Variants in OSBPL1A observed in about 807,000 individuals in gnomAD.
OSBPL1A encodes the protein oxysterol binding protein like 1A, also known as oxysterol-binding protein-related protein 1.
Under a neutral mutation model 137.1 loss-of-function variants are expected in OSBPL1A, and 80 were observed. That is an observed-to-expected ratio of 0.58 (90% confidence interval 0.49 to 0.70). OSBPL1A has a LOEUF of 0.70. OSBPL1A is among the 30% of genes least tolerant of loss of function. OSBPL1A has a pLI of 0.00. For missense variants in OSBPL1A, 970 were observed against 1,129.4 expected (o/e 0.86, Z 2.02); for synonymous variants, 365 against 389.7 (o/e 0.94, Z 0.75).
At chr18:24,390,656 C>T (rs1232599582) in intron 1 of OSBPL1A, among the ~76,000 whole-genome samples, 2 of 121,408 alleles carry the variant, frequency 1.6e-5, no homozygotes, top group African/African-American at 6.5e-5. Context: ...GATCGTGCTA[C>T]TCTACTTCAG....
intron 4 of OSBPL1A, chr18:24,357,147 C>T (rs1432486293): frequency 6.6e-6 from 1 of 151,970 alleles, no homozygotes; most frequent in Non-Finnish European, 1.5e-5. Flanking sequence ...GATTTATTTG[C>T]CAAAGTTAAG....
intron 17 of OSBPL1A, among the ~76,000 whole-genome samples, chr18:24,204,676 T>C (rs2087320210): frequency 6.6e-6 from 1 of 152,086 alleles, no homozygotes; most frequent in African/African-American, 2.4e-5. Flanking sequence ...GGGTATGTCC[T>C]TGTTTGCTCA....
intron 5 of OSBPL1A, among the ~76,000 whole-genome samples, chr18:24,338,809 G>A (rs781434465): frequency 6.6e-6 from 1 of 152,092 alleles, no homozygotes; most frequent in Admixed American, 6.5e-5. Flanking sequence ...CACCTCCTGG[G>A]TTCAAGCAAT....
In OSBPL1A at chr18:24,303,688, T is replaced by C. The variant is rs1264346002; in HGVS notation, c.1123A>G (p.Arg375Gly). 1.9e-6 allele frequency: 3 copies of C among 1,613,596 alleles called. No individual in the cohort carries two copies. Among genetic ancestry groups the C allele is most frequent in the Non-Finnish European group, 1.7e-6 (2 of 1,179,722 alleles). ...ATTTTGAGAAAGTTGGAAATTTCCC[T>C]ATCTAGTCGCTGTTGGCATGACTGT... ...KAQSCQQRLD[R>G]EISNFLKMIK... Residue 375 changes from arginine to glycine, a missense_variant, in exon 14 of 28, where the codon AGG (arginine) becomes GGG (glycine). Physicochemically the swap from Arg to Gly is moderately radical, Grantham distance 125 (BLOSUM62 -2). Transcript: ENST00000319481.
At chr18:24,357,511 G>A (rs971994033) in intron 4 of OSBPL1A, 2 of 152,124 alleles carry the variant, frequency 1.3e-5, no homozygotes, top group African/African-American at 2.4e-5. Flanking sequence ...GCAAAATATG[G>A]GGGAGGCATG....
chr18:24,275,728 C>T (rs954374173), intron 15 of OSBPL1A, among the ~76,000 whole-genome samples: 4 of 143,044 alleles, frequency 2.8e-5, no homozygotes, highest in Non-Finnish European at 6.1e-5. Flanking sequence ...GTCCCACTCT[C>T]TTTTTTTTTT....
chr18:24,368,541 C>T lies in OSBPL1A; in HGVS notation c.122-169G>A, dbSNP rs75147007. ...GTGTAATGGGTGTAAAGGACGAGAA[C>T]TCACAAGGTGCAGATCTGGTGCCAC... On this transcript the variant is annotated intron_variant, in intron 2 of 27. Coordinates refer to ENST00000319481, the MANE Select transcript of OSBPL1A (RefSeq NM_080597.4). 663 of 574,404 alleles carry T rather than the reference C, an allele frequency of 1.2e-3. 4 individuals are homozygous for T. The highest frequency in any genetic ancestry group is 0.011 in the African/African-American group (599 of 53,182). 35.6% of individuals were successfully genotyped at this position (574,404 alleles called of 1,614,324 possible). A position where few individuals can be genotyped will look rare whatever the true frequency, so the allele number is the denominator to read the frequency against.
At chr18:24,313,144 TA>T (rs2090654257) in intron 12 of OSBPL1A, among the ~76,000 whole-genome samples, 2 of 147,700 alleles carry the variant, frequency 1.4e-5, no homozygotes, top group South Asian at 4.3e-4. Context: ...AATAAATAAA[TA>T]AAAGAAAAAG....
intron 16 of OSBPL1A, among the ~76,000 whole-genome samples, chr18:24,234,267 C>T (rs2088372067): frequency 6.6e-6 from 1 of 152,096 alleles, no homozygotes; most frequent in Admixed American, 6.6e-5. Flanking sequence ...AGCCCTTTTC[C>T]CAGGAAGTGT....
intron 17 of OSBPL1A, among the ~76,000 whole-genome samples, chr18:24,209,005 T>C (rs1599494220): frequency 6.6e-6 from 1 of 152,044 alleles, no homozygotes; most frequent in South Asian, 2.1e-4. Context: ...AAGTTTGGGG[T>C]AGGCAACAAT....
At chr18:24,320,572 C>A (rs1006316585) in intron 7 of OSBPL1A, among the ~76,000 whole-genome samples, 2 of 152,118 alleles carry the variant, frequency 1.3e-5, no homozygotes, top group South Asian at 4.1e-4. Flanking sequence ...GTCAGAGAGG[C>A]ACGCAGAGGC....
chr18:24,269,891 T>G (rs1366628648), intron 15 of OSBPL1A, among the ~76,000 whole-genome samples: 1 of 58,880 alleles, frequency 1.7e-5, no homozygotes, highest in Non-Finnish European at 4.0e-5. Context: ...CACACCATGC[T>G]AATTAAAACC....
chr18:24,208,199 T>C (rs1391733362), intron 17 of OSBPL1A, among the ~76,000 whole-genome samples: 3 of 152,000 alleles, frequency 2.0e-5, no homozygotes, highest in Non-Finnish European at 2.9e-5. Flanking sequence ...TTCACAAAAG[T>C]AATTAGATTT....
At chr18:24,349,886 T>C (rs891850515) in intron 4 of OSBPL1A, among the ~76,000 whole-genome samples, 1 of 152,182 alleles carries the variant, frequency 6.6e-6, no homozygotes, top group Non-Finnish European at 1.5e-5. Context: ...TGCTTGGAAT[T>C]CTGACCTTCA....
chr18:24,331,072 C>A (rs1045713180), intron 7 of OSBPL1A, among the ~76,000 whole-genome samples: 1 of 152,188 alleles, frequency 6.6e-6, no homozygotes, highest in African/African-American at 2.4e-5. Flanking sequence ...GGATTACAGG[C>A]TTGAGCCACC....
intron 7 of OSBPL1A, among the ~76,000 whole-genome samples, chr18:24,331,402 T>A (rs1195835051): frequency 6.7e-6 from 1 of 149,442 alleles, no homozygotes; most frequent in Non-Finnish European, 1.5e-5. Context: ...TTCCTCTTTT[T>A]TTTTTTTTTT....
intron 13 of OSBPL1A, among the ~76,000 whole-genome samples, chr18:24,308,025 A>G (rs1288597664): frequency 1.3e-5 from 2 of 151,838 alleles, no homozygotes; most frequent in African/African-American, 4.8e-5. Flanking sequence ...GCCTCATGTG[A>G]TCTGCCCGCC....
At chr18:24,349,737 A>T (rs1259949) in intron 4 of OSBPL1A, among the ~76,000 whole-genome samples, 26 of 115,692 alleles carry the variant, frequency 2.2e-4, no homozygotes, top group African/African-American at 7.8e-4. Context: ...AAGAAAAAAA[A>T]AAAAACAACA....
chr18:24,368,364 T>C lies in OSBPL1A; in HGVS notation c.130A>G (p.Lys44Glu). 1 of 1,611,772 alleles carries C rather than the reference T, an allele frequency of 6.2e-7. No homozygotes were observed. The highest frequency in any genetic ancestry group is 1.1e-5 in the South Asian group (1 of 90,912). ...IADINCKGRS[K>E]SNLGWTPLHL... ...AGAGGTGTCCAGCCCAAGTTAGACT[T>C]ACTTCTTCCTAAAAATGGAAAAATA... Residue 44 changes from lysine (K) to glutamate (E), a missense_variant, in exon 3 of 28, where the codon AAG becomes GAG. Transcript: ENST00000319481.
Sources: gnomAD v4.1 joint callset for allele counts (sites outside exome capture counted in the v4.1 genomes callset) on GRCh38, gnomAD v4.1.1 for gene constraint, MANE v1.5 for transcripts, NCBI Gene and HGNC (gene_info 2026-07-23, HGNC 2026-07-21) for gene names.